ATXN3: variants seen among roughly 807,000 people sequenced by gnomAD.
ATXN3 encodes the protein ataxin 3, also known as ataxin-3.
In ATXN3, 28 loss-of-function variants were observed where a neutral mutation model predicts 58.2. The ratio of observed to expected loss-of-function variants is 0.48; its 90% CI spans 0.36 to 0.66. ATXN3 has a LOEUF of 0.66. ATXN3 is among the 30% of genes least tolerant of loss of function. The pLI is 0.00. For missense variants in ATXN3, 321 were observed against 422.1 expected (o/e 0.76, Z 2.10); for synonymous variants, 113 against 138.5 (o/e 0.82, Z 1.29).
intron 2 of ATXN3, 178 bp downstream of exon 2, chr14:92,096,496 T>C (rs2065269161): frequency 2.1e-5 from 16 of 759,254 alleles, no homozygotes; most frequent in Non-Finnish European, 3.1e-5. Context: ...TAGTGCCGTG[T>C]GCCTGTAATC....
At chr14:92,085,821 C>A (rs1001131995) in intron 6 of ATXN3, among the ~76,000 whole-genome samples, 1 of 152,090 alleles carries the variant, frequency 6.6e-6, no homozygotes, top group Non-Finnish European at 1.5e-5. Flanking sequence ...TAATTATTGA[C>A]ACATAGATCT....
chr14:92,053,937 TG>T (rs2140164538), downstream of ATXN3, among the ~76,000 whole-genome samples: 1 of 152,022 alleles, frequency 6.6e-6, no homozygotes, highest in African/African-American at 2.4e-5. Flanking sequence ...AACTCCATTT[TG>T]GTTTTTTTTT....
chr14:92,100,345 T>C (rs2066486322), intron 1 of ATXN3, among the ~76,000 whole-genome samples: 1 of 152,144 alleles, frequency 6.6e-6, no homozygotes, highest in Non-Finnish European at 1.5e-5. Context: ...AAGCAGTATT[T>C]TTGTGCCACA....
chr14:92,099,451 T>A lies in ATXN3; in HGVS notation c.25-2613A>T, dbSNP rs2066213173. 2.0e-5 allele frequency among the ~76,000 whole-genome samples: 3 copies of A among 152,262 alleles called. No homozygotes were observed. The South Asian group carries it at 6.2e-4, about 31-fold the overall frequency. ...GAACACTATCCCCCAAGTCTTCTCA[T>A]GAGAATAGACTTTTTGTTTCCACTT... On this transcript the variant is annotated intron_variant, in intron 1 of 10. Coordinates refer to ENST00000644486, the MANE Select transcript of ATXN3 (RefSeq NM_004993.6).
intron 8 of ATXN3, 41 bp downstream of exon 8, chr14:92,082,259 T>C (rs1297430529): frequency 1.3e-6 from 2 of 1,558,756 alleles, no homozygotes; most frequent in Non-Finnish European, 1.7e-6. Context: ...TTGGAATCAA[T>C]TCTTCAGCAA....
At chr14:92,082,688 G>A (rs531344370) in intron 7 of ATXN3, among the ~76,000 whole-genome samples, 14 of 136,256 alleles carry the variant, frequency 1.0e-4, no homozygotes, top group African/African-American at 3.3e-4. Flanking sequence ...TGACTCTCTC[G>A]ACCAGGCTGG....
At chr14:92,053,873 G>C (rs2057456588), downstream of ATXN3, among the ~76,000 whole-genome samples, 1 of 151,940 alleles carries the variant, frequency 6.6e-6, no homozygotes, top group African/African-American at 2.4e-5. Flanking sequence ...GCTGACCCTA[G>C]CCATGGAAGC....
In ATXN3 at chr14:92,060,156, CAA is replaced by C. The variant is rs2057657910; in HGVS notation, c.*4162_*4163del. On this transcript the variant is annotated 3_prime_UTR_variant, in exon 11 of 11. Coordinates refer to ENST00000644486, the MANE Select transcript of ATXN3 (RefSeq NM_004993.6). ...AGGTGATCCACCTGCCTCAGCCTCC[CAA>C]AGTGTTGGGATTACAGGCGTGAGCC... 1 of 151,302 alleles carries C rather than the reference CAA, an allele frequency of 6.6e-6. No individual in the cohort carries two copies. Among genetic ancestry groups the C allele is most frequent in the African/African-American group, 2.4e-5 (1 of 41,166 alleles). 9.4% of individuals were successfully genotyped at this position (151,302 alleles called of 1,614,324 possible). A position where few individuals can be genotyped will look rare whatever the true frequency, so the allele number is the denominator to read the frequency against.
chr14:92,059,819 G>GA lies in ATXN3; in HGVS notation c.*4500dup, dbSNP rs779811232. 3.3e-3 allele frequency: 330 copies of GA among 100,864 alleles called. No homozygotes were observed. The highest frequency in any genetic ancestry group is 0.021 in the Middle Eastern group (4 of 192). The allele number at this position is 100,864 out of a possible 1,614,324, so 6.2% of individuals were successfully genotyped here. ...GGCAGCAGAGCTAGACTCCGTCTCAGAAAAAAAAAAAAAGAAAGAAAGAAA... is the reference window on the plus strand; with the variant it reads ...GGCAGCAGAGCTAGACTCCGTCTCAGAAAAAAAAAAAAAAGAAAGAAAGAAA... On this transcript the variant is annotated 3_prime_UTR_variant, in exon 11 of 11. Transcript: ENST00000644486.
intron 5 of ATXN3, 42 bp from the exon 6 acceptor site, chr14:92,088,859 G>C (rs1332381020): frequency 8.8e-7 from 1 of 1,134,826 alleles, no homozygotes; most frequent in Admixed American, 1.8e-5. Flanking sequence ...GTATATTATA[G>C]GTAATAAGGA....
chr14:92,066,142 T>C (rs560104176), intron 10 of ATXN3, among the ~76,000 whole-genome samples: 6 of 152,178 alleles, frequency 3.9e-5, no homozygotes, highest in Middle Eastern at 6.8e-3. Flanking sequence ...CCCAGGAGTA[T>C]AGATGCTATG....
downstream of ATXN3, among the ~76,000 whole-genome samples, chr14:92,055,105 C>T (rs182919148): frequency 7.7e-3 from 1,178 of 152,284 alleles, 58 homozygotes; most frequent in Admixed American, 0.068. This position sits in a 1 kb window ranked among gnomAD's most constrained non-coding sequence, Gnocchi z 4.5. Flanking sequence ...TGGTCTCAAA[C>T]TCGTGACCTC....
At position 92,096,683 on chromosome 14, in the gene ATXN3, C is replaced by T. The variant is rs140562271; in HGVS notation, c.180G>A (p.Thr60=). ...EGGVTSEDYR[T]FLQQPSGNMD... is the part of the protein sequence containing the mutation. The stretch of plus-strand genomic sequence containing the variant: ...AGTTTAAAATCAGTACCTGTAAAAA[C>T]GTGCGATAATCTTCACTAGTAACTC... The change falls in exon 2 of 11, where the codon ACG becomes ACA. Residue 60 remains threonine (T), a synonymous_variant. Transcript: ENST00000644486. 30 of 1,597,926 alleles carry T rather than the reference C, an allele frequency of 1.9e-5. No homozygotes were observed. The highest frequency in any genetic ancestry group is 1.6e-4 in the African/African-American group (12 of 73,576).
intron 1 of ATXN3, among the ~76,000 whole-genome samples, chr14:92,097,812 A>C (rs1178116042): frequency 3.9e-5 from 6 of 152,132 alleles, no homozygotes; most frequent in Non-Finnish European, 8.8e-5. Context: ...GGCAAGAGCC[A>C]CCCTGCCAGG....
downstream of ATXN3, among the ~76,000 whole-genome samples, chr14:92,057,494 G>A (rs1464049935): frequency 6.6e-6 from 1 of 152,036 alleles, no homozygotes; most frequent in East Asian, 1.9e-4. Flanking sequence ...TACCTATGGG[G>A]TAGCCATTCT....
At chr14:92,087,453 TGATA>T (rs56024302) in intron 6 of ATXN3, among the ~76,000 whole-genome samples, 42,768 of 151,826 alleles carry the variant, frequency 0.28, 6,314 homozygotes, top group East Asian at 0.44. Flanking sequence ...CTAGTCACTT[TGATA>T]GATGGATGGG....
chr14:92,081,775 T>C (rs1304612735), intron 8 of ATXN3, among the ~76,000 whole-genome samples: 1 of 152,232 alleles, frequency 6.6e-6, no homozygotes, highest in Non-Finnish European at 1.5e-5. Flanking sequence ...TTAATTAAGC[T>C]ACTTTGAGCT....
intron 6 of ATXN3, among the ~76,000 whole-genome samples, chr14:92,088,069 T>C (rs1381444848): frequency 6.6e-6 from 1 of 151,914 alleles, no homozygotes; most frequent in Non-Finnish European, 1.5e-5. Flanking sequence ...CTTTTTTTTT[T>C]CTTTTCTTTT....
downstream of ATXN3, among the ~76,000 whole-genome samples, chr14:92,054,770 C>G (rs1360687418): frequency 2.6e-5 from 4 of 152,184 alleles, no homozygotes; most frequent in Non-Finnish European, 5.9e-5. Context: ...AGAGCAGATT[C>G]CTGACACTGT....
Sources: gnomAD v4.1 joint callset for allele counts (sites outside exome capture counted in the v4.1 genomes callset) on GRCh38, gnomAD v4.1.1 for gene constraint, Gnocchi (gnomAD v3.1) non-coding constraint, MANE v1.5 for transcripts, NCBI Gene and HGNC (gene_info 2026-07-23, HGNC 2026-07-21) for gene names.